The following FBXW10 variants were observed in gnomAD, a reference collection of about 807,000 sequenced individuals.
The protein encoded by FBXW10 is F-box and WD repeat domain containing 10.
In FBXW10, 68 loss-of-function variants were observed where a neutral mutation model predicts 113.1. The ratio of observed to expected loss-of-function variants is 0.60; its 90% CI spans 0.49 to 0.74. FBXW10 has a LOEUF of 0.74. Among genes scored for constraint, FBXW10 ranks in the 30% least tolerant of loss-of-function variants. The probability of loss-of-function intolerance (pLI) is 0.00; values close to 1 mark genes in which losing one functional copy is unlikely to be tolerated. For synonymous variants in FBXW10, 289 were observed against 481.6 expected, an observed-to-expected ratio of 0.60 and a Z score of 5.24; for missense variants, 753 against 1,284.5, an observed-to-expected ratio of 0.59 and a Z score of 6.32.
At chr17:18,772,238 C>A (rs1415340658) in intron 11 of FBXW10, among the ~76,000 whole-genome samples, 174 bp from the exon 12 acceptor site, 1 of 152,232 alleles carries the variant, frequency 6.6e-6, no homozygotes, top group African/African-American at 2.4e-5. Context: ...CCTGCTGCAT[C>A]TCCTGGTAAC....
At chr17:18,773,520 G>C (rs1175830237) in intron 12 of FBXW10, among the ~76,000 whole-genome samples, 1 of 152,176 alleles carries the variant, frequency 6.6e-6, no homozygotes, top group Non-Finnish European at 1.5e-5. Flanking sequence ...GTAGGTGGGG[G>C]TGCAGGCATG....
At chr17:18,773,209 A>ACCCCAAAGGGTG (rs1042792732) in intron 12 of FBXW10, among the ~76,000 whole-genome samples, 1 of 152,082 alleles carries the variant, frequency 6.6e-6, no homozygotes, top group Non-Finnish European at 1.5e-5. Flanking sequence ...CTGGGATTAC[A>ACCCCAAAGGGTG]GGTGTGGGCC....
At chr17:18,747,394 C>G (rs1005220523) in intron 1 of FBXW10, among the ~76,000 whole-genome samples, 16 of 152,072 alleles carry the variant, frequency 1.1e-4, no homozygotes, top group Non-Finnish European at 5.9e-5. Flanking sequence ...AACCCCATCT[C>G]TACTAAAAAT....
At chr17:18,754,765 A>AAGGC (rs1359796892) in intron 5 of FBXW10, among the ~76,000 whole-genome samples, 5 of 152,336 alleles carry the variant, frequency 3.3e-5, no homozygotes, top group African/African-American at 7.2e-5. Flanking sequence ...AGGAGGAATG[A>AAGGC]AGGCAGGCAG....
rs770862147 is a variant in FBXW10, at chr17:18,768,552, G to C, written c.1723G>C (p.Gly575Arg). The C allele has an allele frequency of 4.3e-6, 7 of 1,613,976 alleles. No homozygotes were observed. The highest frequency in any genetic ancestry group is 5.9e-6 in the Non-Finnish European group (7 of 1,180,020). Residue 575 changes from glycine (G) to arginine (R), a missense_variant, in exon 10 of 14, where the codon GGA (glycine) becomes CGA (arginine). Gly to Arg is a moderately radical substitution (Grantham distance 125, BLOSUM62 -2). Transcript: ENST00000395665. ...QLVKTLSGHE[G>R]AVKCLFFDQW... ...CTTGCAGACTCTCAGTGGCCATGAGGGAGCCGTGAAATGCCTGTTCTTTGA... is the reference window on the plus strand; with the variant it reads ...CTTGCAGACTCTCAGTGGCCATGAGCGAGCCGTGAAATGCCTGTTCTTTGA...
At chr17:18,758,894 G>A (rs1426771115) in intron 7 of FBXW10, among the ~76,000 whole-genome samples, 3 of 151,840 alleles carry the variant, frequency 2.0e-5, no homozygotes, top group African/African-American at 4.8e-5. Context: ...GTGGCCAGGC[G>A]CGGTGGCTCA....
intron 7 of FBXW10, among the ~76,000 whole-genome samples, chr17:18,758,917 C>A (rs2151806489): frequency 6.6e-6 from 1 of 152,138 alleles, no homozygotes; most frequent in South Asian, 2.1e-4. Flanking sequence ...CCTGTAATCC[C>A]AGCACTTTGG....
intron 8 of FBXW10, 135 bp downstream of exon 8, chr17:18,764,998 C>T: frequency 1.9e-6 from 3 of 1,571,330 alleles, no homozygotes; most frequent in Non-Finnish European, 2.6e-6. Context: ...CACCCACCCA[C>T]CCATCCTTCC....
chr17:18,756,384 A>T (rs1213913812), intron 6 of FBXW10, among the ~76,000 whole-genome samples: 1 of 152,288 alleles, frequency 6.6e-6, no homozygotes, highest in South Asian at 2.1e-4. Flanking sequence ...ATGCTGACCA[A>T]CAACCTTTTG....
chr17:18,750,833 T>G, intron 4 of FBXW10, 98 bp from the exon 5 acceptor site: 1 of 1,394,718 alleles, frequency 7.2e-7, no homozygotes, highest in Admixed American at 2.4e-5. Flanking sequence ...CTTCACATTT[T>G]GCCAAGAACT....
At position 18,756,139 on chromosome 17, in the gene FBXW10, G is replaced by A. The variant is rs749433523; in HGVS notation, c.1217G>A (p.Arg406His). Residue 406 changes from arginine (R) to histidine (H), a missense_variant, in exon 6 of 14, where the codon CGC (arginine) becomes CAC (histidine). Coordinates refer to ENST00000395665, the MANE Select transcript of FBXW10 (RefSeq NM_001267585.2). ...GTTTTCTGTGGGACCTACAATGTTC[G>A]CATTCTCTCTGACACGTAGGTACTG... ...RNVFCGTYNVRILSDTWDQNR... is the reference protein window; with the variant it reads ...RNVFCGTYNVHILSDTWDQNR... The A allele has an allele frequency of 4.3e-6, 7 of 1,613,632 alleles. No homozygotes were observed. The African/African-American group carries it at 6.7e-5, about 15-fold the overall frequency.
At chr17:18,768,700 C>T (rs372776041) in intron 10 of FBXW10, 24 bp downstream of exon 10, 351 of 1,612,474 alleles carry the variant, frequency 2.2e-4, no homozygotes, top group Non-Finnish European at 2.8e-4. Context: ...AAGCCCGGAG[C>T]GATGAACCTG....
chr17:18,775,041 A>T, intron 12 of FBXW10, 95 bp from the exon 13 acceptor site: 1 of 755,092 alleles, frequency 1.3e-6, no homozygotes, highest in Non-Finnish European at 2.3e-6. Context: ...TATAAAAATC[A>T]GTCCAATTAT....
chr17:18,767,888 T>C (rs915791844), intron 9 of FBXW10, among the ~76,000 whole-genome samples: 3 of 152,142 alleles, frequency 2.0e-5, no homozygotes, highest in African/African-American at 7.2e-5. Flanking sequence ...GTAGTGTCTG[T>C]CCCAAACACA....
At chr17:18,772,864 C>T (rs1597605141) in intron 12 of FBXW10, among the ~76,000 whole-genome samples, 181 bp downstream of exon 12, 1 of 151,578 alleles carries the variant, frequency 6.6e-6, no homozygotes, top group Admixed American at 6.6e-5. Context: ...ATCCACTAAA[C>T]AATTTATCAG....
chr17:18,755,966 C>T, intron 5 of FBXW10, 79 bp from the exon 6 acceptor site: 1 of 1,398,740 alleles, frequency 7.1e-7, no homozygotes, highest in East Asian at 2.4e-5. Flanking sequence ...GTGCCCTTAC[C>T]AGGGAGACCC....
chr17:18,754,220 A>T (rs1015733638), intron 5 of FBXW10, among the ~76,000 whole-genome samples: 17 of 151,884 alleles, frequency 1.1e-4, no homozygotes, highest in East Asian at 2.0e-4. Flanking sequence ...TCCCTTCCCA[A>T]TGACTCCACC....
At chr17:18,765,422 G>A (rs894908953) in intron 8 of FBXW10, among the ~76,000 whole-genome samples, 1 of 152,222 alleles carries the variant, frequency 6.6e-6, no homozygotes, top group African/African-American at 2.4e-5. Context: ...AGACTCCCTA[G>A]GTCCAAATCC....
intron 7 of FBXW10, among the ~76,000 whole-genome samples, chr17:18,758,846 A>AG (rs1372800741): frequency 6.6e-6 from 1 of 151,120 alleles, no homozygotes; most frequent in African/African-American, 2.4e-5. Flanking sequence ...GGTTTGAGAC[A>AG]GACTATAGAG....
Sources: allele counts gnomAD v4.1 joint callset (sites outside exome capture counted in the v4.1 genomes callset), GRCh38; gene constraint gnomAD v4.1.1; transcripts MANE v1.5; gene names NCBI Gene and HGNC (gene_info 2026-07-23, HGNC 2026-07-21).